The following TIMM23B variants were observed in gnomAD, a reference collection of about 807,000 sequenced individuals.
TIMM23B encodes the protein translocase of inner mitochondrial membrane 23 homolog B.
Under a neutral mutation model 27.3 loss-of-function variants are expected in TIMM23B, and 27 were observed. That is an observed-to-expected ratio of 0.99 (90% confidence interval 0.73 to 1.36). TIMM23B has a LOEUF of 1.36. Among genes scored for constraint, TIMM23B ranks in the 40% most tolerant of loss-of-function variants. TIMM23B has a pLI of 0.00. For missense variants in TIMM23B, 205 were observed against 244.2 expected, an observed-to-expected ratio of 0.84 and a Z score of 1.07; for synonymous variants, 73 against 92.4, an observed-to-expected ratio of 0.79 and a Z score of 1.21.
chr10:49,958,745 C>G (rs1269977986), intron 6 of TIMM23B, among the ~76,000 whole-genome samples: 1 of 152,164 alleles, frequency 6.6e-6, no homozygotes, highest in Non-Finnish European at 1.5e-5. Flanking sequence ...AAAACTGATA[C>G]TCTGTACCTA....
intron 2 of TIMM23B, among the ~76,000 whole-genome samples, chr10:49,945,638 G>C (rs1433583094): frequency 6.6e-6 from 1 of 152,072 alleles, no homozygotes; most frequent in African/African-American, 2.4e-5. Flanking sequence ...TTAAAGCTCA[G>C]TTTACAATAT....
intron 6 of TIMM23B, among the ~76,000 whole-genome samples, chr10:49,964,301 T>TC (rs1418040245): frequency 6.6e-6 from 1 of 151,596 alleles, no homozygotes; most frequent in African/African-American, 2.4e-5. Context: ...AGAGCGCGTC[T>TC]CCGTCTTGAA....
At chr10:49,956,405 T>C (rs1839723435) in intron 5 of TIMM23B, among the ~76,000 whole-genome samples, 1 of 147,042 alleles carries the variant, frequency 6.8e-6, no homozygotes, top group Admixed American at 7.0e-5. Flanking sequence ...TTTTAATCTA[T>C]TTTTTCTTAT....
At chr10:49,966,166 G>A (rs1840148319) in intron 6 of TIMM23B, among the ~76,000 whole-genome samples, 1 of 150,476 alleles carries the variant, frequency 6.6e-6, no homozygotes, top group Admixed American at 6.6e-5. Context: ...TTGCGCGGTA[G>A]AGTGAGTCTT....
At chr10:49,969,200 A>G (rs1483989293) in intron 6 of TIMM23B, among the ~76,000 whole-genome samples, 5 of 152,346 alleles carry the variant, frequency 3.3e-5, no homozygotes, top group African/African-American at 9.6e-5. Flanking sequence ...GCTCATGTCT[A>G]TAATCCCAGC....
intron 2 of TIMM23B, among the ~76,000 whole-genome samples, chr10:49,951,200 T>C (rs1839517230): frequency 6.6e-6 from 1 of 152,228 alleles, no homozygotes; most frequent in Non-Finnish European, 1.5e-5. Flanking sequence ...AACCACAGTT[T>C]TCTGATTAGG....
chr10:49,964,397 G>T (rs1840041078), intron 6 of TIMM23B, among the ~76,000 whole-genome samples: 2 of 151,410 alleles, frequency 1.3e-5, no homozygotes, highest in Non-Finnish European at 2.9e-5. Flanking sequence ...AGGTGTGGTG[G>T]CGCAGTCCAG....
intron 5 of TIMM23B, among the ~76,000 whole-genome samples, chr10:49,955,767 A>C (rs1337270722): frequency 6.6e-6 from 1 of 152,202 alleles, no homozygotes; most frequent in East Asian, 1.9e-4. Context: ...AACATAGAAA[A>C]AGCGTTTGTT....
intron 2 of TIMM23B, among the ~76,000 whole-genome samples, chr10:49,951,196 A>C (rs1409490796): frequency 1.3e-5 from 2 of 152,202 alleles, no homozygotes; most frequent in Non-Finnish European, 2.9e-5. Flanking sequence ...GCAGAACCAC[A>C]GTTTTCTGAT....
intron 6 of TIMM23B, among the ~76,000 whole-genome samples, chr10:49,969,488 T>A (rs1365466786): frequency 3.6e-5 from 5 of 138,808 alleles, no homozygotes; most frequent in Admixed American, 7.3e-5. Context: ...GGCAGGCAAA[T>A]GGACAGATTG....
At chr10:49,964,700 C>T (rs1404320339) in intron 6 of TIMM23B, among the ~76,000 whole-genome samples, 10 of 151,772 alleles carry the variant, frequency 6.6e-5, no homozygotes, top group African/African-American at 1.9e-4. Flanking sequence ...TGGCACACTC[C>T]AGCCTGGGTG....
chr10:49,956,698 T>C (rs1839738015), intron 5 of TIMM23B, among the ~76,000 whole-genome samples: 1 of 146,382 alleles, frequency 6.8e-6, no homozygotes. Flanking sequence ...AGTGACTGTA[T>C]AGTATTCCAT....
In TIMM23B at chr10:49,942,113, C is replaced by T; in HGVS notation, c.-82C>T. On this transcript the variant is annotated 5_prime_UTR_variant, in exon 1 of 7. Coordinates refer to ENST00000651259, the MANE Select transcript of TIMM23B (RefSeq NM_001290117.2). ...GTAGGCGCTGGCAACGCGGGGTTACCCGCTGTTATTGAGGAGTAACGGCCC... is the reference window on the plus strand; with the variant it reads ...GTAGGCGCTGGCAACGCGGGGTTACTCGCTGTTATTGAGGAGTAACGGCCC... 6.8e-7 allele frequency: 1 copy of T among 1,460,110 alleles called. No homozygotes were observed. Among genetic ancestry groups the T allele is most frequent in the Non-Finnish European group, 9.2e-7 (1 of 1,088,924 alleles). The allele number at this position is 1,460,110 out of a possible 1,614,324, so 90.4% of individuals were successfully genotyped here.
At chr10:49,968,272 A>C (rs1840255129) in intron 6 of TIMM23B, among the ~76,000 whole-genome samples, 1 of 152,236 alleles carries the variant, frequency 6.6e-6, no homozygotes, top group Admixed American at 6.5e-5. Context: ...CTTACGGATA[A>C]AGTTTGAAAT....
At chr10:49,970,154 C>G (rs1840362315) in intron 6 of TIMM23B, 2 of 155,084 alleles carry the variant, frequency 1.3e-5, no homozygotes. Context: ...ACCTCCACCT[C>G]CCAGCCGCCT....
At chr10:49,971,317 T>A in intron 6 of TIMM23B, among the ~76,000 whole-genome samples, 2 of 142,040 alleles carry the variant, frequency 1.4e-5, no homozygotes, top group African/African-American at 5.3e-5. Context: ...CACCCAAGAA[T>A]GATCAATAAA....
At chr10:49,942,367 C>A (rs1481907467) in intron 1 of TIMM23B, 67 bp downstream of exon 1, 2 of 1,558,630 alleles carry the variant, frequency 1.3e-6, no homozygotes, top group African/African-American at 2.7e-5. Flanking sequence ...AGTTGCGCGT[C>A]CCATGTTTTA....
At chr10:49,966,275 C>A (rs1191196444) in intron 6 of TIMM23B, among the ~76,000 whole-genome samples, 5 of 146,444 alleles carry the variant, frequency 3.4e-5, no homozygotes, top group African/African-American at 1.3e-4. Context: ...GTCTCTGTCT[C>A]GAAATGAAAT....
chr10:49,966,698 G>T (rs1449089801), intron 6 of TIMM23B, among the ~76,000 whole-genome samples: 5 of 152,102 alleles, frequency 3.3e-5, no homozygotes, highest in African/African-American at 9.7e-5. Flanking sequence ...GATAGCGGGT[G>T]CCTGTAATCC....
Sources: allele counts gnomAD v4.1 joint callset (sites outside exome capture counted in the v4.1 genomes callset), GRCh38; gene constraint gnomAD v4.1.1; transcripts MANE v1.5; gene names NCBI Gene and HGNC (gene_info 2026-07-23, HGNC 2026-07-21).